Variants in DPP6 observed in about 807,000 individuals in gnomAD.
DPP6 encodes the protein A-type potassium channel modulatory protein DPP6.
DPP6 carries 69 observed loss-of-function variants against 122.6 expected under a neutral mutation model. The ratio of observed to expected loss-of-function variants is 0.56; its 90% CI spans 0.46 to 0.69. The LOEUF (loss-of-function observed/expected upper bound fraction) is 0.69. Ranked by LOEUF, DPP6 falls within the 30% of genes least tolerant of loss-of-function variation. DPP6 has a pLI of 0.00. For synonymous variants in DPP6, 418 were observed against 433.1 expected, an observed-to-expected ratio of 0.97 and a Z score of 0.43; for missense variants, 928 against 1,116.9, an observed-to-expected ratio of 0.83 and a Z score of 2.41.
At chr7:153,790,191 T>C in the DPP6 span, among the ~76,000 whole-genome samples, 1 of 152,028 alleles carries the variant, frequency 6.6e-6, no homozygotes, top group African/African-American at 2.4e-5. Flanking sequence ...TTCAGTTCTC[T>C]ACAACTTTAA....
At chr7:154,562,377 G>A (rs1173730957) in intron 4 of DPP6, among the ~76,000 whole-genome samples, 2 of 152,134 alleles carry the variant, frequency 1.3e-5, no homozygotes, top group East Asian at 1.9e-4. Flanking sequence ...TGCAGAAAAA[G>A]CATTTGAGAA....
chr7:153,973,045 G>T (rs1180341443), intron 1 of DPP6, among the ~76,000 whole-genome samples: 6 of 151,476 alleles, frequency 4.0e-5, no homozygotes, highest in Non-Finnish European at 8.8e-5. Context: ...GCATTGTTTT[G>T]GTTTGAATTA....
At chr7:154,218,069 G>A (rs1460899582) in intron 1 of DPP6, among the ~76,000 whole-genome samples, 1 of 152,184 alleles carries the variant, frequency 6.6e-6, no homozygotes. Flanking sequence ...AGAGGCTGAA[G>A]CCCTTCGCAT....
chr7:154,259,914 G>C (rs180768363), intron 1 of DPP6, among the ~76,000 whole-genome samples: 2 of 152,158 alleles, frequency 1.3e-5, no homozygotes, highest in African/African-American at 4.8e-5. Flanking sequence ...TTAAGGAGAC[G>C]GGCACCCAGT....
the DPP6 span, among the ~76,000 whole-genome samples, chr7:153,879,374 T>A: frequency 6.6e-6 from 1 of 152,100 alleles, no homozygotes; most frequent in East Asian, 1.9e-4. Flanking sequence ...ATCTTTTATT[T>A]ATTTGTTTCT....
At chr7:153,957,071 T>C (rs902018582) in intron 1 of DPP6, among the ~76,000 whole-genome samples, 3 of 152,134 alleles carry the variant, frequency 2.0e-5, no homozygotes, top group Non-Finnish European at 4.4e-5. Context: ...CTAAATGGGG[T>C]CGATTACCTG....
intron 8 of DPP6, among the ~76,000 whole-genome samples, chr7:154,739,806 GC>G (rs756320193): frequency 3.9e-5 from 6 of 152,312 alleles, no homozygotes; most frequent in Non-Finnish European, 8.8e-5. Context: ...CCAATGCACA[GC>G]CCTCAAACTG....
the DPP6 span, among the ~76,000 whole-genome samples, chr7:153,749,353 G>T: frequency 3.3e-5 from 5 of 152,120 alleles, no homozygotes; most frequent in African/African-American, 1.2e-4. The surrounding 1 kb of genome is among the most constrained non-coding windows in gnomAD (Gnocchi z 4.1). Context: ...AGAGGTCGGC[G>T]TTGGGAGGCA....
At chr7:153,905,627 T>G (rs1264633780) in intron 1 of DPP6, among the ~76,000 whole-genome samples, 1 of 101,860 alleles carries the variant, frequency 9.8e-6, no homozygotes, top group Non-Finnish European at 2.7e-5. Context: ...GGCAATTTGC[T>G]ACTACAGTGA....
the DPP6 span, among the ~76,000 whole-genome samples, chr7:153,854,995 A>G: frequency 7.0e-6 from 1 of 143,674 alleles, no homozygotes; most frequent in Non-Finnish European, 1.5e-5. Context: ...AGAACAAAAA[A>G]CCAAACACCG....
the DPP6 span, among the ~76,000 whole-genome samples, chr7:153,770,515 CA>C: frequency 6.6e-6 from 1 of 152,124 alleles, no homozygotes; most frequent in Non-Finnish European, 1.5e-5. Flanking sequence ...AACAAACTTC[CA>C]CAAGAAAGGC....
intron 1 of DPP6, among the ~76,000 whole-genome samples, chr7:154,425,111 C>T (rs1485340190): frequency 6.6e-6 from 1 of 152,060 alleles, no homozygotes; most frequent in Non-Finnish European, 1.5e-5. Flanking sequence ...GAAGAACAGA[C>T]TCACTCAGCA....
At chr7:154,831,286 A>G (rs1800609253) in intron 16 of DPP6, among the ~76,000 whole-genome samples, 1 of 152,190 alleles carries the variant, frequency 6.6e-6, no homozygotes, top group South Asian at 2.1e-4. Context: ...AGTGGCTTTG[A>G]TGAGATCTTC....
At position 154,627,000 on chromosome 7, in the gene DPP6, C is replaced by CTTTTTTTTTTTTTTTTTT. The variant is rs552919287; in HGVS notation, c.628-10807_628-10790dup. 4.8e-4 allele frequency among the ~76,000 whole-genome samples: 25 copies of CTTTTTTTTTTTTTTTTTT among 52,102 alleles called. 1 individual carries two copies. The highest frequency in any genetic ancestry group is 7.7e-4 in the Non-Finnish European group (23 of 29,802). The allele number at this position is 52,102 out of a possible 152,430, so 34.2% of individuals were successfully genotyped here. A position where few individuals can be genotyped will look rare whatever the true frequency, so the allele number is the denominator to read the frequency against. ...ATCTGGGGTCCATTAGAAATTTTTT[C>CTTTTTTTTTTTTTTTTTT]TTTTTTTTTTTTTTTTTTTTTTTTT... is the stretch of plus-strand genomic sequence containing the variant. On this transcript the variant is annotated intron_variant, in intron 5 of 25. Coordinates refer to ENST00000377770, the MANE Select transcript of DPP6 (RefSeq NM_130797.4).
intron 1 of DPP6, among the ~76,000 whole-genome samples, chr7:153,960,760 C>G (rs1277249741): frequency 6.7e-6 from 1 of 148,780 alleles, no homozygotes; most frequent in African/African-American, 2.5e-5. Context: ...CTCCAGGTGC[C>G]CTCATACTGT....
In DPP6 at chr7:154,135,456, A is replaced by T. The variant is rs183046797; in HGVS notation, c.243+82393A>T. ...TGCTTCCCGTGAGCCCACATTTCCT[A>T]TCTGTGTACTTCCTGTGAGCATACA... On this transcript the variant is annotated intron_variant, in intron 1 of 25. Coordinates refer to ENST00000377770, the MANE Select transcript of DPP6 (RefSeq NM_130797.4). 4.4e-3 allele frequency among the ~76,000 whole-genome samples: 645 copies of T among 147,966 alleles called. 7 individuals are homozygous for T. Among genetic ancestry groups the T allele is most frequent in the African/African-American group, 0.015 (605 of 39,820 alleles).
Position 154,520,117 on chromosome 7 carries a change from A to G in DPP6, c.458-20415A>G, listed in dbSNP as rs989776095. 3.9e-5 allele frequency among the ~76,000 whole-genome samples: 6 copies of G among 152,202 alleles called. 1 individual carries two copies. Among genetic ancestry groups the G allele is most frequent in the Admixed American group, 2.0e-4 (3 of 15,284 alleles). ...AGCCAGAAGTTACAGTCAGAGTATG[A>G]TTGTATTTCTTTATTAAGATTAAAG... On this transcript the variant is annotated intron_variant, in intron 3 of 25. Transcript: ENST00000377770.
At chr7:154,766,735 CCCAGCCT>C (rs1563187126) in intron 8 of DPP6, among the ~76,000 whole-genome samples, 2 of 152,212 alleles carry the variant, frequency 1.3e-5, no homozygotes, top group Non-Finnish European at 1.5e-5. Context: ...GTATTCTCAG[CCCAGCCT>C]TGTGGCCAGC....
At chr7:154,747,772 T>C (rs1843102634) in intron 8 of DPP6, among the ~76,000 whole-genome samples, 1 of 152,098 alleles carries the variant, frequency 6.6e-6, no homozygotes, top group Non-Finnish European at 1.5e-5. Flanking sequence ...GCCTCAGCAA[T>C]GCGGAGACGG....
Sources: allele counts gnomAD v4.1 joint callset (sites outside exome capture counted in the v4.1 genomes callset), GRCh38; gene constraint gnomAD v4.1.1; non-coding constraint Gnocchi (gnomAD v3.1); transcripts MANE v1.5; gene names NCBI Gene and HGNC (gene_info 2026-07-23, HGNC 2026-07-21).